The following ARHGEF37 variants were observed in gnomAD, a reference collection of about 807,000 sequenced individuals.
ARHGEF37 encodes the protein Rho guanine nucleotide exchange factor (GEF) 37.
A neutral mutation model predicts 71.1 loss-of-function variants in ARHGEF37; 55 were observed. That is an observed-to-expected ratio of 0.77 (90% CI 0.62 to 0.97). The LOEUF (loss-of-function observed/expected upper bound fraction) is 0.97. ARHGEF37 is among the 50% of genes least tolerant of loss of function. The probability of loss-of-function intolerance (pLI) is 0.00; values close to 1 mark genes in which losing one functional copy is unlikely to be tolerated. For missense variants in ARHGEF37, 765 were observed against 836.8 expected (o/e 0.91, Z 1.06); for synonymous variants, 327 against 350.6 (o/e 0.93, Z 0.75).
At chr5:149,577,764 G>T (rs1763042895), upstream of ARHGEF37, among the ~76,000 whole-genome samples, 2 of 152,200 alleles carry the variant, frequency 1.3e-5, no homozygotes, top group African/African-American at 4.8e-5. Context: ...TGGCTGCCCA[G>T]CCTTCATGTT....
intron 1 of ARHGEF37, among the ~76,000 whole-genome samples, chr5:149,561,229 C>T (rs538811077): frequency 6.8e-5 from 10 of 146,314 alleles, no homozygotes; most frequent in Admixed American, 1.4e-4. Context: ...GCCGAGATCA[C>T]GCCACTACAC....
rs869148762 is a variant in ARHGEF37, at chr5:149,565,864, T to TG, written c.-12+13742dup. On this transcript the variant is annotated intron_variant, in intron 1 of 2. Coordinates refer to the ARHGEF37 transcript ENST00000505810. The stretch of plus-strand genomic sequence containing the variant: ...TTTTTTTTTTTTTTTTTTTTTTTTT[T>TG]GTGAGACAGAGTTTCCCTCTTGTTG... Among the ~76,000 whole-genome samples the TG allele has an allele frequency of 1.5e-3, 178 of 122,102 alleles. 1 individual carries two copies. The highest frequency in any genetic ancestry group is 2.2e-3 in the Non-Finnish European group (136 of 60,468). 80.1% of individuals were successfully genotyped at this position (122,102 alleles called of 152,430 possible).
intron 2 of ARHGEF37, among the ~76,000 whole-genome samples, chr5:149,598,759 GATATAGAT>G (rs1763656829): frequency 1.7e-5 from 2 of 120,732 alleles, no homozygotes; most frequent in East Asian, 4.8e-4. Flanking sequence ...TCTATATATA[GATATAGAT>G]ATAGATATAG....
At chr5:149,597,351 G>A (rs994754087) in intron 1 of ARHGEF37, among the ~76,000 whole-genome samples, 1 of 152,028 alleles carries the variant, frequency 6.6e-6, no homozygotes, top group South Asian at 2.1e-4. Context: ...TCTGCCTCCC[G>A]GGTTCAAGTG....
At chr5:149,598,479 T>C in intron 2 of ARHGEF37, among the ~76,000 whole-genome samples, 1 of 150,958 alleles carries the variant, frequency 6.6e-6, no homozygotes, top group East Asian at 1.9e-4. Flanking sequence ...CTTTTTCCTC[T>C]TCTTCTTCTT....
chr5:149,617,606 G>A (rs901961177), intron 5 of ARHGEF37, among the ~76,000 whole-genome samples: 4 of 152,182 alleles, frequency 2.6e-5, no homozygotes, highest in African/African-American at 9.7e-5. Flanking sequence ...GGTAAAATGA[G>A]AGCATGCATC....
intron 9 of ARHGEF37, among the ~76,000 whole-genome samples, chr5:149,623,774 G>A (rs1422134675): frequency 6.6e-6 from 1 of 152,126 alleles, no homozygotes; most frequent in African/African-American, 2.4e-5. Flanking sequence ...AAGGCTCTAG[G>A]TCAGCACTAA....
chr5:149,605,930 C>T (rs1382169617), intron 3 of ARHGEF37, among the ~76,000 whole-genome samples: 1 of 152,104 alleles, frequency 6.6e-6, no homozygotes, highest in East Asian at 1.9e-4. Flanking sequence ...GATGAGTATC[C>T]CCTTTTATGC....
chr5:149,599,130 T>A (rs897978214), intron 2 of ARHGEF37, among the ~76,000 whole-genome samples: 2 of 152,294 alleles, frequency 1.3e-5, no homozygotes, highest in Admixed American at 1.3e-4. Context: ...GCTTTGAAAC[T>A]AAAACCCAAA....
chr5:149,624,674 C>A (rs941886360), intron 10 of ARHGEF37, among the ~76,000 whole-genome samples: 2 of 152,010 alleles, frequency 1.3e-5, no homozygotes, highest in African/African-American at 2.4e-5. Flanking sequence ...GAGGCTGAGG[C>A]AGAAGAATTG....
chr5:149,576,777 GA>G (rs1426033621), upstream of ARHGEF37, among the ~76,000 whole-genome samples: 3 of 152,114 alleles, frequency 2.0e-5, no homozygotes, highest in Non-Finnish European at 1.5e-5. Context: ...CCAACATGGT[GA>G]AAACCCATCT....
At chr5:149,559,335 G>T (rs1283606595) in intron 1 of ARHGEF37, among the ~76,000 whole-genome samples, 2 of 152,128 alleles carry the variant, frequency 1.3e-5, no homozygotes, top group Non-Finnish European at 2.9e-5. Flanking sequence ...GGGAACAAAT[G>T]TGCAAAAACT....
intron 1 of ARHGEF37, among the ~76,000 whole-genome samples, chr5:149,555,061 G>T (rs1762735171): frequency 6.6e-6 from 1 of 151,472 alleles, no homozygotes; most frequent in South Asian, 2.1e-4. Flanking sequence ...AACCCGAGAG[G>T]CGGAAGTTGC....
intron 1 of ARHGEF37, among the ~76,000 whole-genome samples, chr5:149,597,000 G>A (rs1255436931): frequency 2.0e-5 from 3 of 152,132 alleles, no homozygotes; most frequent in Non-Finnish European, 4.4e-5. Flanking sequence ...GAATGGGTGT[G>A]GTGGTGGCAG....
intron 1 of ARHGEF37, among the ~76,000 whole-genome samples, chr5:149,557,820 CTTCTAGA>C (rs1762774455): frequency 6.6e-6 from 1 of 150,626 alleles, no homozygotes; most frequent in African/African-American, 2.4e-5. Flanking sequence ...ATTCATATAG[CTTCTAGA>C]TTCTAAAGAT....
At chr5:149,595,741 G>A (rs1482252630) in intron 1 of ARHGEF37, among the ~76,000 whole-genome samples, 1 of 152,054 alleles carries the variant, frequency 6.6e-6, no homozygotes. Context: ...ATTTTGTTGT[G>A]GCCACTCAGA....
chr5:149,571,849 G>A (rs1762969396), intron 1 of ARHGEF37, among the ~76,000 whole-genome samples: 1 of 146,926 alleles, frequency 6.8e-6, no homozygotes, highest in Non-Finnish European at 1.5e-5. Flanking sequence ...CGAGGCTGCA[G>A]TGAGCTGTGA....
At chr5:149,613,407 T>C (rs1752258866) in intron 4 of ARHGEF37, among the ~76,000 whole-genome samples, 1 of 150,954 alleles carries the variant, frequency 6.6e-6, no homozygotes, top group Non-Finnish European at 1.5e-5. Context: ...AGTGCAGTGG[T>C]GCAATCTCAG....
At chr5:149,567,230 T>C (rs1011180137) in intron 1 of ARHGEF37, among the ~76,000 whole-genome samples, 1 of 152,238 alleles carries the variant, frequency 6.6e-6, no homozygotes, top group African/African-American at 2.4e-5. Flanking sequence ...TTGTACGTGA[T>C]GAGATTCAGG....
Sources: gnomAD v4.1 joint callset for allele counts (sites outside exome capture counted in the v4.1 genomes callset) on GRCh38, gnomAD v4.1.1 for gene constraint, MANE v1.5 for transcripts, NCBI Gene and HGNC (gene_info 2026-07-23, HGNC 2026-07-21) for gene names.